Variants in KCTD8 observed in about 807,000 individuals in gnomAD.
The protein encoded by KCTD8 is BTB/POZ domain-containing protein KCTD8.
In KCTD8, 27 loss-of-function variants were observed where a neutral mutation model predicts 31.5. The observed-to-expected ratio is 0.86, with a 90% CI of 0.63 to 1.18. KCTD8 has a LOEUF of 1.18. Among genes scored for constraint, KCTD8 ranks in the 50% most tolerant of loss-of-function variants. The pLI, the probability that KCTD8 is intolerant of heterozygous loss-of-function variation, is 0.00. For missense variants in KCTD8, 658 were observed against 647.7 expected (o/e 1.02, Z -0.17); for synonymous variants, 290 against 280.0 (o/e 1.04, Z -0.36).
At chr4:44,228,497 C>T (rs1715028413) in intron 1 of KCTD8, among the ~76,000 whole-genome samples, 1 of 152,226 alleles carries the variant, frequency 6.6e-6, no homozygotes, top group Admixed American at 6.5e-5. Context: ...CACTTCTTCT[C>T]ACTCAATATA....
chr4:44,404,045 C>G (rs1720728667), intron 1 of KCTD8, among the ~76,000 whole-genome samples: 2 of 152,114 alleles, frequency 1.3e-5, no homozygotes, highest in South Asian at 4.2e-4. Context: ...GATTCAGCAC[C>G]TACAAAACCG....
intron 1 of KCTD8, among the ~76,000 whole-genome samples, chr4:44,385,676 A>G (rs1428129623): frequency 6.6e-6 from 1 of 151,690 alleles, no homozygotes; most frequent in East Asian, 1.9e-4. Context: ...AGCACATGCG[A>G]AAACAGAAAA....
chr4:44,181,579 G>A (rs987186666), intron 1 of KCTD8, among the ~76,000 whole-genome samples: 22 of 152,134 alleles, frequency 1.4e-4, no homozygotes, highest in Non-Finnish European at 2.1e-4. Context: ...GTGCAGTGGC[G>A]TGATCTCGGC....
chr4:44,210,475 G>T (rs1440962829), intron 1 of KCTD8, among the ~76,000 whole-genome samples: 4 of 152,162 alleles, frequency 2.6e-5, no homozygotes, highest in Non-Finnish European at 5.9e-5. Flanking sequence ...AAAACAGTTT[G>T]TTATAAAAGG....
intron 1 of KCTD8, among the ~76,000 whole-genome samples, chr4:44,401,011 CTTTTTTTTT>C (rs59602420): frequency 1.0e-5 from 1 of 95,916 alleles, no homozygotes; most frequent in African/African-American, 4.0e-5. Context: ...AATTTTCTTT[CTTTTTTTTT>C]TTTTTTTTTT....
intron 1 of KCTD8, among the ~76,000 whole-genome samples, chr4:44,222,415 T>A (rs1046952833): frequency 1.3e-5 from 2 of 152,216 alleles, no homozygotes; most frequent in African/African-American, 4.8e-5. Flanking sequence ...CAACCTTGAT[T>A]CTGTGCAGGA....
intron 1 of KCTD8, among the ~76,000 whole-genome samples, chr4:44,288,613 C>A (rs1717172530): frequency 6.6e-6 from 1 of 152,038 alleles, no homozygotes; most frequent in South Asian, 2.1e-4. Flanking sequence ...CAGTTATTTT[C>A]TTAAATTTAC....
intron 1 of KCTD8, among the ~76,000 whole-genome samples, chr4:44,402,285 GCA>G (rs1244533375): frequency 1.3e-5 from 2 of 151,998 alleles, no homozygotes; most frequent in Non-Finnish European, 2.9e-5. Flanking sequence ...TCTCTTTTCA[GCA>G]CAGACATTTG....
intron 1 of KCTD8, among the ~76,000 whole-genome samples, chr4:44,420,392 G>A (rs1214239040): frequency 9.2e-5 from 14 of 152,022 alleles, no homozygotes; most frequent in Admixed American, 8.5e-4. Flanking sequence ...GTGGACAATC[G>A]AAAGAAAAAA....
chr4:44,339,723 T>A (rs1218736595), intron 1 of KCTD8, among the ~76,000 whole-genome samples: 1 of 152,054 alleles, frequency 6.6e-6, no homozygotes, highest in Admixed American at 6.6e-5. Flanking sequence ...ACAAAAAAAA[T>A]TGAGAAGGAA....
chr4:44,261,483 A>G (rs1716163103), intron 1 of KCTD8, among the ~76,000 whole-genome samples: 2 of 152,124 alleles, frequency 1.3e-5, no homozygotes, highest in Admixed American at 1.3e-4. Flanking sequence ...AATATTTCAC[A>G]TAAACAATAT....
chr4:44,306,330 A>G (rs1281103159), intron 1 of KCTD8, among the ~76,000 whole-genome samples: 5 of 152,022 alleles, frequency 3.3e-5, no homozygotes, highest in African/African-American at 4.8e-5. Flanking sequence ...AGATTGGTCA[A>G]GTATAATTAT....
intron 1 of KCTD8, among the ~76,000 whole-genome samples, chr4:44,186,289 T>C (rs550355171): frequency 2.0e-5 from 3 of 152,204 alleles, no homozygotes; most frequent in South Asian, 4.1e-4. Context: ...CAGAGGAGAA[T>C]TGCGTCGCCT....
At chr4:44,321,239 C>A (rs1044638886) in intron 1 of KCTD8, among the ~76,000 whole-genome samples, 37 of 152,158 alleles carry the variant, frequency 2.4e-4, no homozygotes, top group African/African-American at 8.9e-4. Flanking sequence ...AAATCAGGAA[C>A]AATGCTATTT....
intron 1 of KCTD8, among the ~76,000 whole-genome samples, chr4:44,266,640 A>C (rs1230534469): frequency 1.3e-5 from 2 of 151,272 alleles, no homozygotes; most frequent in African/African-American, 2.4e-5. Context: ...TGCTGTATTC[A>C]GGAAACCCAT....
intron 1 of KCTD8, among the ~76,000 whole-genome samples, chr4:44,188,197 T>C (rs1372976823): frequency 6.6e-6 from 1 of 152,132 alleles, no homozygotes; most frequent in African/African-American, 2.4e-5. Flanking sequence ...TGCCATACTA[T>C]TGAATATGAG....
intron 1 of KCTD8, among the ~76,000 whole-genome samples, chr4:44,254,050 T>C (rs1192014940): frequency 6.6e-6 from 1 of 151,906 alleles, no homozygotes; most frequent in Admixed American, 6.6e-5. Flanking sequence ...CACAGTCACC[T>C]GCAACCATAA....
chr4:44,293,835 T>G, intron 1 of KCTD8: 1 of 452,672 alleles, frequency 2.2e-6, no homozygotes, highest in Non-Finnish European at 4.4e-6. Context: ...AGAGAACCTG[T>G]GGAAAGCCAA....
intron 1 of KCTD8, among the ~76,000 whole-genome samples, chr4:44,257,524 C>T (rs1283607404): frequency 6.6e-6 from 1 of 151,976 alleles, no homozygotes; most frequent in Non-Finnish European, 1.5e-5. Context: ...CATAGAAAAA[C>T]ATCCCCTCAA....
Sources: allele counts gnomAD v4.1 joint callset (sites outside exome capture counted in the v4.1 genomes callset), GRCh38; gene constraint gnomAD v4.1.1; transcripts MANE v1.5; gene names NCBI Gene and HGNC (gene_info 2026-07-23, HGNC 2026-07-21).